CDC5L: variants seen among roughly 807,000 people sequenced by gnomAD.
CDC5L encodes cell division cycle 5-like protein.
Under a neutral mutation model 104.1 loss-of-function variants are expected in CDC5L, and 18 were observed. The observed-to-expected ratio is 0.17, with a 90% CI of 0.12 to 0.26. The LOEUF (loss-of-function observed/expected upper bound fraction) is 0.26, where lower values mean the gene tolerates loss of function less well. CDC5L is among the 10% of genes least tolerant of loss of function. The probability of loss-of-function intolerance (pLI) is 1.00; values close to 1 mark genes in which losing one functional copy is unlikely to be tolerated. For synonymous variants in CDC5L, 331 were observed against 322.7 expected (o/e 1.03, Z -0.28); for missense variants, 673 against 956.9 (o/e 0.70, Z 3.91).
intron 14 of CDC5L, among the ~76,000 whole-genome samples, chr6:44,438,105 T>C (rs1365669286): frequency 1.3e-5 from 2 of 152,156 alleles, no homozygotes; most frequent in Non-Finnish European, 2.9e-5. Context: ...TGTGCCACTA[T>C]GTCTGGCTAA....
intron 5 of CDC5L, among the ~76,000 whole-genome samples, chr6:44,398,830 A>C (rs182568753): frequency 7.9e-5 from 12 of 152,362 alleles, no homozygotes; most frequent in Admixed American, 2.6e-4. Flanking sequence ...ATAGATGTGC[A>C]TTTATGTGTA....
At chr6:44,406,267 A>C in intron 6 of CDC5L, 56 bp from the exon 7 acceptor site, 1 of 1,276,918 alleles carries the variant, frequency 7.8e-7, no homozygotes, top group Non-Finnish European at 1.1e-6. Flanking sequence ...TATGGATTTT[A>C]ATGTTTTTGG....
chr6:44,426,639 T>G lies in CDC5L; in HGVS notation c.1808T>G (p.Val603Gly). Residue 603 changes from valine to glycine, a missense_variant, in exon 13 of 16, where the codon GTA (valine) becomes GGA (glycine). Coordinates refer to ENST00000371477, the MANE Select transcript of CDC5L (RefSeq NM_001253.4). ...TCTGGAAATAAAAAAGGCAAAACTG[T>G]AGGGTTTGGTACCAATAATTCAGAG... Reference protein sequence around the residue: ...EPSGNKKGKTVGFGTNNSEHI... With the variant: ...EPSGNKKGKTGGFGTNNSEHI... 2 of 1,613,126 alleles carry G rather than the reference T, an allele frequency of 1.2e-6. No individual in the cohort carries two copies. The highest frequency in any genetic ancestry group is 1.7e-6 in the Non-Finnish European group (2 of 1,179,328).
In CDC5L at chr6:44,424,280, A is replaced by G. The variant is rs1394555420; in HGVS notation, c.1405-139A>G. 8.2e-6 allele frequency: 6 copies of G among 731,598 alleles called. No individual in the cohort carries two copies. In the Admixed American group the frequency reaches 1.2e-4, roughly 14 times the overall value. The allele number at this position is 731,598 out of a possible 1,614,324, so 45.3% of individuals were successfully genotyped here. Reference sequence around the variant, plus strand: ...TAACCTTTGTGTTTGAAACCATCCAATTATTCTTAGTTATTTTAAAATGTA... The same window carrying G: ...TAACCTTTGTGTTTGAAACCATCCAGTTATTCTTAGTTATTTTAAAATGTA... On this transcript the variant is annotated intron_variant, in intron 10 of 15. Transcript: ENST00000371477.
chr6:44,397,445 A>G (rs1345912520), intron 5 of CDC5L, among the ~76,000 whole-genome samples: 1 of 152,178 alleles, frequency 6.6e-6, no homozygotes, highest in East Asian at 1.9e-4. Flanking sequence ...TATTTCTCTG[A>G]AACTATCTTG....
Position 44,423,027 on chromosome 6 carries a change from G to T in CDC5L, c.1404+218G>T, listed in dbSNP as rs11572007. On this transcript the variant is annotated intron_variant, in intron 10 of 15. Transcript: ENST00000371477. ...GCTTACTAGGTTTGTGAATATTGATGTTCGTTGTTGATTTCACTGAAGTTT... is the reference window on the plus strand; with the variant it reads ...GCTTACTAGGTTTGTGAATATTGATTTTCGTTGTTGATTTCACTGAAGTTT... Among the ~76,000 whole-genome samples the T allele has an allele frequency of 0.016, 2,398 of 152,270 alleles. 67 individuals carry two copies. The highest frequency in any genetic ancestry group is 0.054 in the African/African-American group (2,245 of 41,542).
intron 8 of CDC5L, among the ~76,000 whole-genome samples, chr6:44,412,385 CCAGA>C (rs1791684730): frequency 6.6e-6 from 1 of 151,224 alleles, no homozygotes; most frequent in Non-Finnish European, 1.5e-5. Context: ...GCCACTGTGC[CCAGA>C]CAGTTTTTTT....
At chr6:44,432,750 A>G (rs1792742531) in intron 14 of CDC5L, among the ~76,000 whole-genome samples, 1 of 152,238 alleles carries the variant, frequency 6.6e-6, no homozygotes, top group African/African-American at 2.4e-5. Context: ...AATAAGTGGA[A>G]AAGACTTCTG....
Position 44,446,811 on chromosome 6 carries a change from A to C in CDC5L, c.*100A>C. 1 of 612,932 alleles carries C rather than the reference A, an allele frequency of 1.6e-6. No individual in the cohort carries two copies. Among genetic ancestry groups the C allele is most frequent in the Non-Finnish European group, 2.8e-6 (1 of 351,350 alleles). 38.0% of individuals were successfully genotyped at this position (612,932 alleles called of 1,614,324 possible). On this transcript the variant is annotated 3_prime_UTR_variant, in exon 16 of 16. Transcript: ENST00000371477. ...ATCTTCATTGACAAATTTACCCACC[A>C]TCTGTGGTTTTTCAGTTGTTTATTT... is the stretch of plus-strand genomic sequence containing the variant.
At position 44,425,974 on chromosome 6, in the gene CDC5L, A is replaced by G. The variant is rs181404378; in HGVS notation, c.1570-129A>G. 1.2e-4 allele frequency: 70 copies of G among 567,614 alleles called. No homozygotes were observed. In the Admixed American group the frequency reaches 1.6e-3, roughly 13 times the overall value. The allele number at this position is 567,614 out of a possible 1,614,324, so 35.2% of individuals were successfully genotyped here. The stretch of plus-strand genomic sequence containing the variant: ...GTTGCCTTAGCATTGCCTTTCTACA[A>G]ACTTAAACCGATTTCTAAACTTTAG... On this transcript the variant is annotated intron_variant, in intron 11 of 15. Coordinates refer to ENST00000371477, the MANE Select transcript of CDC5L (RefSeq NM_001253.4).
chr6:44,431,046 T>G (rs1308922299), intron 14 of CDC5L, among the ~76,000 whole-genome samples: 1 of 152,190 alleles, frequency 6.6e-6, no homozygotes, highest in Admixed American at 6.5e-5. Context: ...TATTTAGGGT[T>G]AAAGCCAGAA....
rs1442111654 is a variant in CDC5L at position 44,424,540 on chromosome 6, A to G, written c.1526A>G (p.Asp509Gly). Reference sequence around the variant, plus strand: ...GAGCTGGAAGAACGTGAAATAGATGATACTTACATTGAAGATGCTGCTGAT... The same window carrying G: ...GAGCTGGAAGAACGTGAAATAGATGGTACTTACATTGAAGATGCTGCTGAT... ...EKELEEREID[D>G]TYIEDAADVD... Residue 509 changes from aspartate to glycine, a missense_variant, in exon 11 of 16, where the codon GAT (aspartate) becomes GGT (glycine). Coordinates refer to ENST00000371477, the MANE Select transcript of CDC5L (RefSeq NM_001253.4). 1.2e-6 allele frequency: 2 copies of G among 1,614,034 alleles called. No individual in the cohort carries two copies. The highest frequency in any genetic ancestry group is 2.2e-5 in the East Asian group (1 of 44,866).
chr6:44,402,624 G>A lies in CDC5L; in HGVS notation c.540-1185G>A, dbSNP rs11571938. Among the ~76,000 whole-genome samples the A allele has an allele frequency of 3.5e-3, 525 of 152,154 alleles. 3 individuals carry two copies. Among genetic ancestry groups the A allele is most frequent in the African/African-American group, 0.012 (487 of 41,506 alleles). ...AATCATTACAGTTATAGCAACATAGGAAGATGCAAAGAAAAAAAGTAAAAA... is the reference window on the plus strand; with the variant it reads ...AATCATTACAGTTATAGCAACATAGAAAGATGCAAAGAAAAAAAGTAAAAA... On this transcript the variant is annotated intron_variant, in intron 5 of 15. Coordinates refer to ENST00000371477, the MANE Select transcript of CDC5L (RefSeq NM_001253.4).
At chr6:44,429,151 A>C (rs1792562602) in intron 13 of CDC5L, among the ~76,000 whole-genome samples, 1 of 150,100 alleles carries the variant, frequency 6.7e-6, no homozygotes. Context: ...CCTCCTGAGT[A>C]GCTAGGATTA....
At chr6:44,443,494 G>A (rs1391259251) in intron 14 of CDC5L, among the ~76,000 whole-genome samples, 1 of 150,914 alleles carries the variant, frequency 6.6e-6, no homozygotes, top group Non-Finnish European at 1.5e-5. Flanking sequence ...TCTCCATGAT[G>A]GTGTCCCATA....
intron 13 of CDC5L, 55 bp downstream of exon 13, chr6:44,426,779 T>G: frequency 6.4e-7 from 1 of 1,551,578 alleles, no homozygotes; most frequent in South Asian, 1.1e-5. Context: ...TTAGGTGCTG[T>G]GTATCATGGA....
At chr6:44,423,170 G>C (rs979224410) in intron 10 of CDC5L, among the ~76,000 whole-genome samples, 1 of 151,776 alleles carries the variant, frequency 6.6e-6, no homozygotes, top group Non-Finnish European at 1.5e-5. Context: ...AGAAATCATT[G>C]TGAAATTAAA....
At chr6:44,424,391 A>G (rs1792326053) in intron 10 of CDC5L, 28 bp from the exon 11 acceptor site, 2 of 1,599,810 alleles carry the variant, frequency 1.3e-6, no homozygotes, top group Middle Eastern at 1.7e-4. Flanking sequence ...ATATGCATGA[A>G]TTGAGAAGGA....
intron 13 of CDC5L, among the ~76,000 whole-genome samples, chr6:44,429,015 C>CTTTTTTTTTTTT (rs922435895): frequency 1.0e-5 from 1 of 95,596 alleles, no homozygotes; most frequent in African/African-American, 4.6e-5. Flanking sequence ...GTTTCATTAG[C>CTTTTTTTTTTTT]TTTTTTTTTT....
Sources: allele counts gnomAD v4.1 joint callset (sites outside exome capture counted in the v4.1 genomes callset), GRCh38; gene constraint gnomAD v4.1.1; transcripts MANE v1.5; gene names NCBI Gene and HGNC (gene_info 2026-07-23, HGNC 2026-07-21).